Variants in RAC1 observed in about 807,000 individuals in gnomAD.
The protein encoded by RAC1 is ras-related C3 botulinum toxin substrate 1.
In RAC1, 2 loss-of-function variants were observed where a neutral mutation model predicts 25.2. The observed-to-expected ratio is 0.08, with a 90% CI of 0.03 to 0.25. The LOEUF is 0.25. Ranked by LOEUF, RAC1 falls within the 10% of genes least tolerant of loss-of-function variation. The pLI is 1.00. For synonymous variants in RAC1, 88 were observed against 94.0 expected, an observed-to-expected ratio of 0.94 and a Z score of 0.37; for missense variants, 50 against 235.7, an observed-to-expected ratio of 0.21 and a Z score of 5.16.
intron 3 of RAC1, among the ~76,000 whole-genome samples, chr7:6,392,905 C>T (rs187561352): frequency 2.0e-5 from 3 of 152,310 alleles, no homozygotes; most frequent in Admixed American, 6.5e-5. Flanking sequence ...GAGATGAGTA[C>T]GTGTCACGCA....
chr7:6,386,005 GTTA>G (rs1178945181), intron 1 of RAC1, among the ~76,000 whole-genome samples: 1 of 152,214 alleles, frequency 6.6e-6, no homozygotes, highest in African/African-American at 2.4e-5. Context: ...GGTGACCTTA[GTTA>G]TTAGGTGATA....
chr7:6,388,322 T>G (rs554891347), intron 2 of RAC1, among the ~76,000 whole-genome samples: 31 of 151,332 alleles, frequency 2.0e-4, no homozygotes, highest in South Asian at 4.2e-4. Context: ...TACCCATGTT[T>G]TTGTTGTTGT....
intron 2 of RAC1, chr7:6,391,671 G>A (rs547557109): frequency 1.3e-5 from 6 of 473,738 alleles, no homozygotes; most frequent in African/African-American, 1.2e-4. Context: ...TTTTATTTCT[G>A]ACGGTGATTT....
At chr7:6,384,709 A>T (rs1015195234) in intron 1 of RAC1, among the ~76,000 whole-genome samples, 1 of 151,964 alleles carries the variant, frequency 6.6e-6, no homozygotes, top group African/African-American at 2.4e-5. Context: ...GGGCTCAGCG[A>T]TCCTCCCACC....
chr7:6,389,573 G>C (rs922211512), intron 2 of RAC1, among the ~76,000 whole-genome samples: 2 of 151,556 alleles, frequency 1.3e-5, no homozygotes, highest in Non-Finnish European at 2.9e-5. Context: ...CCAGCTATTC[G>C]GGAGGCTGAG....
intron 1 of RAC1, among the ~76,000 whole-genome samples, chr7:6,377,748 C>G (rs564086156): frequency 6.6e-6 from 1 of 152,112 alleles, no homozygotes; most frequent in South Asian, 2.1e-4. Context: ...AACCTCGTCT[C>G]TACTAAAAAT....
At chr7:6,377,234 C>G (rs1472052562) in intron 1 of RAC1, among the ~76,000 whole-genome samples, 1 of 151,096 alleles carries the variant, frequency 6.6e-6, no homozygotes, top group African/African-American at 2.4e-5. Context: ...AGCATTTGAA[C>G]AAGCACAGTT....
chr7:6,381,666 A>T (rs1273418582), intron 1 of RAC1, among the ~76,000 whole-genome samples: 2 of 152,148 alleles, frequency 1.3e-5, no homozygotes, highest in African/African-American at 4.8e-5. Flanking sequence ...AAGTGCTAGG[A>T]TTACAGGCAT....
intron 1 of RAC1, among the ~76,000 whole-genome samples, chr7:6,375,186 C>T (rs1230251245): frequency 6.6e-6 from 1 of 152,052 alleles, no homozygotes; most frequent in African/African-American, 2.4e-5. Context: ...GGGAACGCGG[C>T]GGTCAAGTCG....
intron 1 of RAC1, among the ~76,000 whole-genome samples, chr7:6,376,635 G>T (rs555796904): frequency 6.7e-6 from 1 of 149,186 alleles, no homozygotes; most frequent in Non-Finnish European, 1.5e-5. Flanking sequence ...CCAAGTAGCT[G>T]GGATTACAGG....
intron 1 of RAC1, among the ~76,000 whole-genome samples, chr7:6,381,357 T>G (rs1233476177): frequency 6.6e-6 from 1 of 151,768 alleles, no homozygotes; most frequent in African/African-American, 2.4e-5. Context: ...ACTATCTTAA[T>G]TTTTTGAAGC....
At chr7:6,396,318 C>A (rs969637495) in intron 3 of RAC1, among the ~76,000 whole-genome samples, 1 of 152,072 alleles carries the variant, frequency 6.6e-6, no homozygotes, top group African/African-American at 2.4e-5. Flanking sequence ...GCCAGCACAG[C>A]CTCTGTATGT....
chr7:6,392,165 A>G, intron 3 of RAC1, 124 bp downstream of exon 3: 1 of 1,521,952 alleles, frequency 6.6e-7, no homozygotes, highest in Non-Finnish European at 8.9e-7. Flanking sequence ...TAAATAGCAA[A>G]CAGGGTGGGA....
In RAC1 at chr7:6,390,096, C is replaced by CCTTTTTTTT. The variant is rs1554263519; in HGVS notation, c.108-1828_108-1827insCTTTTTTTT. Among the ~76,000 whole-genome samples the CCTTTTTTTT allele has an allele frequency of 8.0e-5, 6 of 74,914 alleles. 1 individual carries two copies. Among genetic ancestry groups the CCTTTTTTTT allele is most frequent in the East Asian group, 7.7e-4 (1 of 1,298 alleles). 49.1% of individuals were successfully genotyped at this position (74,914 alleles called of 152,430 possible). On this transcript the variant is annotated intron_variant, in intron 2 of 5. Coordinates refer to ENST00000348035, the MANE Select transcript of RAC1 (RefSeq NM_006908.5). ...CCTCCCTTGCTCCCTCCCTCCCTCC[C>CCTTTTTTTT]TTTTTTTTTTTTTTTTTTTTTGAGA...
At position 6,374,661 on chromosome 7, in the gene RAC1, T is replaced by G. The variant is rs1467220930; in HGVS notation, c.-75T>G. ...CCGCCGCCCGCAAGCCGCGCGCCCG[T>G]CCGCCGCGCCCCGAGCCCGCCGCTT... On this transcript the variant is annotated 5_prime_UTR_variant, in exon 1 of 6. Transcript: ENST00000348035. The G allele has an allele frequency of 1.0e-6, 1 of 1,001,126 alleles. No individual in the cohort carries two copies. The highest frequency in any genetic ancestry group is 1.7e-5 in the African/African-American group (1 of 57,490). 62.0% of individuals were successfully genotyped at this position (1,001,126 alleles called of 1,614,324 possible). A position where few individuals can be genotyped will look rare whatever the true frequency, so the allele number is the denominator to read the frequency against.
intron 3 of RAC1, among the ~76,000 whole-genome samples, chr7:6,394,982 G>A (rs370170148): frequency 2.3e-4 from 35 of 152,224 alleles, no homozygotes; most frequent in African/African-American, 7.7e-4. Flanking sequence ...AGCCTCCCAA[G>A]TAGCTGGGAC....
intron 1 of RAC1, among the ~76,000 whole-genome samples, chr7:6,384,301 T>C (rs1254240043): frequency 1.3e-5 from 2 of 152,198 alleles, no homozygotes; most frequent in African/African-American, 4.8e-5. Flanking sequence ...ACAGCTTCCA[T>C]GTGTGTCTGC....
At chr7:6,376,492 TTTTTTTTTCTTTTC>T (rs1192071277) in intron 1 of RAC1, among the ~76,000 whole-genome samples, 28 of 149,066 alleles carry the variant, frequency 1.9e-4, no homozygotes, top group African/African-American at 6.2e-4. Flanking sequence ...CCCAATTTTT[TTTTTTTTTCTTTTC>T]TTTTTTTTTT....
chr7:6,397,640 GA>G (rs1199754539), intron 3 of RAC1, among the ~76,000 whole-genome samples: 1 of 152,146 alleles, frequency 6.6e-6, no homozygotes, highest in African/African-American at 2.4e-5. Context: ...GTTTTTATTG[GA>G]ACAAAGAAAT....
Sources: allele counts gnomAD v4.1 joint callset (sites outside exome capture counted in the v4.1 genomes callset), GRCh38; gene constraint gnomAD v4.1.1; transcripts MANE v1.5; gene names NCBI Gene and HGNC (gene_info 2026-07-23, HGNC 2026-07-21).